Variants in PTPRD observed in about 807,000 individuals in gnomAD.
PTPRD encodes receptor-type tyrosine-protein phosphatase delta.
In PTPRD, 34 loss-of-function variants were observed where a neutral mutation model predicts 214.5. The ratio of observed to expected loss-of-function variants is 0.16; its 90% confidence interval spans 0.12 to 0.21. The LOEUF is 0.21. Among genes scored for constraint, PTPRD ranks in the 10% least tolerant of loss-of-function variants. The pLI is 1.00. For synonymous variants in PTPRD, 1,128 were observed against 845.7 expected (o/e 1.33, Z -5.79); for missense variants, 2,545 against 2,398.7 (o/e 1.06, Z -1.27).
chr9:9,787,771 A>ATTT (rs2098936204), intron 5 of PTPRD, among the ~76,000 whole-genome samples: 1 of 136,140 alleles, frequency 7.3e-6, no homozygotes, highest in African/African-American at 2.7e-5. Flanking sequence ...TCAATTTTTT[A>ATTT]TTTATTATTA....
At chr9:9,382,621 G>A (rs977324753) in intron 9 of PTPRD, among the ~76,000 whole-genome samples, 1 of 152,040 alleles carries the variant, frequency 6.6e-6, no homozygotes, top group African/African-American at 2.4e-5. Context: ...ACATCTGTTA[G>A]GATGGTTTTA....
chr9:9,891,277 A>C (rs572139573), intron 5 of PTPRD, among the ~76,000 whole-genome samples: 9 of 152,284 alleles, frequency 5.9e-5, no homozygotes, highest in African/African-American at 2.2e-4. Flanking sequence ...ATATGCAATA[A>C]ACTCCCAATT....
At chr9:8,737,807 C>A (rs868265452) in intron 11 of PTPRD, among the ~76,000 whole-genome samples, 1 of 152,106 alleles carries the variant, frequency 6.6e-6, no homozygotes, top group Non-Finnish European at 1.5e-5. Context: ...TGCGCCACCA[C>A]GCCTGGCTAA....
chr9:10,521,331 G>C (rs1353501566), intron 2 of PTPRD, among the ~76,000 whole-genome samples: 1 of 152,140 alleles, frequency 6.6e-6, no homozygotes, highest in Non-Finnish European at 1.5e-5. Flanking sequence ...TGACTGAATT[G>C]CTGGAATGTC....
intron 12 of PTPRD, among the ~76,000 whole-genome samples, chr9:8,705,030 C>G (rs1260441301): frequency 6.6e-6 from 1 of 152,086 alleles, no homozygotes; most frequent in African/African-American, 2.4e-5. Flanking sequence ...TCATCATATC[C>G]ATGTAAAACA....
chr9:9,140,589 A>AT (rs1249131428), intron 10 of PTPRD, among the ~76,000 whole-genome samples: 2 of 151,830 alleles, frequency 1.3e-5, no homozygotes, highest in Non-Finnish European at 2.9e-5. Flanking sequence ...ATCTTTTTTT[A>AT]TTTTTTTGAG....
chr9:10,474,936 T>C (rs370410970), intron 2 of PTPRD, among the ~76,000 whole-genome samples: 1 of 151,994 alleles, frequency 6.6e-6, no homozygotes, highest in African/African-American at 2.4e-5. Flanking sequence ...TTGAAAGCAA[T>C]GAGAACAAAG....
chr9:10,153,208 T>G (rs568647109), intron 3 of PTPRD, among the ~76,000 whole-genome samples: 1 of 152,256 alleles, frequency 6.6e-6, no homozygotes, highest in African/African-American at 2.4e-5. Flanking sequence ...GTGATAGATA[T>G]GTTAATTTGA....
intron 11 of PTPRD, among the ~76,000 whole-genome samples, chr9:8,749,519 A>G (rs1598655441): frequency 6.6e-6 from 1 of 152,304 alleles, no homozygotes; most frequent in East Asian, 1.9e-4. Context: ...CTATATTTTA[A>G]GTGACCATAG....
chr9:9,394,003 G>C (rs929555830), intron 9 of PTPRD, among the ~76,000 whole-genome samples: 2 of 152,048 alleles, frequency 1.3e-5, no homozygotes, highest in Admixed American at 1.3e-4. Context: ...CTGCCACGGA[G>C]AAAATCAACC....
At chr9:9,086,804 G>C (rs1431302493) in intron 10 of PTPRD, among the ~76,000 whole-genome samples, 1 of 152,120 alleles carries the variant, frequency 6.6e-6, no homozygotes, top group Non-Finnish European at 1.5e-5. Flanking sequence ...TGACTGGTTA[G>C]GTGAGTCACA....
intron 7 of PTPRD, among the ~76,000 whole-genome samples, chr9:9,595,172 G>T (rs1485617725): frequency 1.3e-5 from 2 of 151,430 alleles, no homozygotes; most frequent in Non-Finnish European, 2.9e-5. Flanking sequence ...ATGGAAAACA[G>T]TGTGGAGATT....
At chr9:10,299,801 G>C in intron 3 of PTPRD, among the ~76,000 whole-genome samples, 1 of 152,128 alleles carries the variant, frequency 6.6e-6, no homozygotes, top group South Asian at 2.1e-4. Flanking sequence ...GCAAATACTC[G>C]TGGAAATAGT....
intron 2 of PTPRD, among the ~76,000 whole-genome samples, chr9:10,584,182 C>CA (rs5896405): frequency 0.033 from 4,109 of 124,242 alleles, 165 homozygotes; most frequent in African/African-American, 0.1. Flanking sequence ...ATGACAATTA[C>CA]AAAAAAAAAA....
intron 10 of PTPRD, among the ~76,000 whole-genome samples, chr9:9,055,750 ATAAC>A (rs575781875): frequency 4.7e-5 from 7 of 150,528 alleles, no homozygotes; most frequent in African/African-American, 1.5e-4. Flanking sequence ...GATGTATTTT[ATAAC>A]TAACAATATA....
At chr9:10,470,664 G>C (rs2099024475) in intron 2 of PTPRD, among the ~76,000 whole-genome samples, 3 of 151,924 alleles carry the variant, frequency 2.0e-5, no homozygotes, top group Admixed American at 1.3e-4. Flanking sequence ...TTTACCCTTT[G>C]GTTAATAATA....
intron 2 of PTPRD, among the ~76,000 whole-genome samples, chr9:10,606,843 C>T (rs148411142): frequency 1.2e-4 from 19 of 152,012 alleles, no homozygotes; most frequent in African/African-American, 4.1e-4. Context: ...TAACTTTGGA[C>T]AGTTTGTAAA....
intron 3 of PTPRD, among the ~76,000 whole-genome samples, chr9:10,115,501 G>T (rs530016988): frequency 6.6e-6 from 1 of 151,932 alleles, no homozygotes; most frequent in African/African-American, 2.4e-5. Context: ...TTTACAATTT[G>T]GCCAAGGGAC....
intron 3 of PTPRD, among the ~76,000 whole-genome samples, chr9:10,279,026 G>T (rs1005235524): frequency 2.6e-5 from 4 of 152,040 alleles, no homozygotes; most frequent in Non-Finnish European, 5.9e-5. Flanking sequence ...TGCCCGCCTT[G>T]GCCTCCCAAA....
Sources: gnomAD v4.1 joint callset for allele counts (sites outside exome capture counted in the v4.1 genomes callset) on GRCh38, gnomAD v4.1.1 for gene constraint, MANE v1.5 for transcripts, NCBI Gene and HGNC (gene_info 2026-07-23, HGNC 2026-07-21) for gene names.